Variants in PTPRD observed in about 807,000 individuals in gnomAD.
PTPRD encodes the protein protein tyrosine phosphatase receptor type D.
PTPRD carries 34 observed loss-of-function variants against 214.5 expected under a neutral mutation model. That is an observed-to-expected ratio of 0.16 (90% confidence interval 0.12 to 0.21). The LOEUF (loss-of-function observed/expected upper bound fraction) is 0.21, where lower values mean the gene tolerates loss of function less well. Ranked by LOEUF, PTPRD falls within the 10% of genes least tolerant of loss-of-function variation. The pLI is 1.00. For synonymous variants in PTPRD, 1,128 were observed against 845.7 expected (o/e 1.33, Z -5.79); for missense variants, 2,545 against 2,398.7 (o/e 1.06, Z -1.27).
At chr9:9,219,425 A>T (rs2099954380) in intron 9 of PTPRD, among the ~76,000 whole-genome samples, 1 of 152,102 alleles carries the variant, frequency 6.6e-6, no homozygotes, top group African/African-American at 2.4e-5. Flanking sequence ...AATTAAAAAA[A>T]AAAACATTAT....
At chr9:9,877,936 G>A (rs2067371862) in intron 5 of PTPRD, among the ~76,000 whole-genome samples, 1 of 131,884 alleles carries the variant, frequency 7.6e-6, no homozygotes. Flanking sequence ...TCACGCCATT[G>A]CACTCCAACC....
At chr9:8,416,757 T>C (rs891963567) in intron 35 of PTPRD, among the ~76,000 whole-genome samples, 1 of 152,156 alleles carries the variant, frequency 6.6e-6, no homozygotes, top group Admixed American at 6.6e-5. Context: ...TTGAGGATTA[T>C]GATGACAATG....
chr9:8,411,991 T>G (rs2093572149), intron 35 of PTPRD, among the ~76,000 whole-genome samples: 2 of 152,234 alleles, frequency 1.3e-5, no homozygotes, highest in African/African-American at 4.8e-5. Context: ...TATTAGAAAG[T>G]TATTAAACTG....
chr9:8,327,648 C>T (rs942129176), intron 44 of PTPRD, among the ~76,000 whole-genome samples: 1 of 151,994 alleles, frequency 6.6e-6, no homozygotes. Context: ...TTAAAGTCTC[C>T]CACTATTATT....
At chr9:9,205,745 T>C (rs1412087616) in intron 9 of PTPRD, among the ~76,000 whole-genome samples, 1 of 152,198 alleles carries the variant, frequency 6.6e-6, no homozygotes, top group Non-Finnish European at 1.5e-5. Context: ...CTTTTACTCA[T>C]TCACCCATTT....
At chr9:9,931,913 C>G (rs1019046116) in intron 5 of PTPRD, among the ~76,000 whole-genome samples, 1 of 151,546 alleles carries the variant, frequency 6.6e-6, no homozygotes, top group East Asian at 2.0e-4. Flanking sequence ...AAGTGGGTCC[C>G]TGACCCCTGA....
At chr9:8,930,866 T>A (rs1346351373) in intron 11 of PTPRD, among the ~76,000 whole-genome samples, 1 of 152,176 alleles carries the variant, frequency 6.6e-6, no homozygotes, top group Admixed American at 6.5e-5. Context: ...TATTAGCCCT[T>A]TGTCAGATGA....
intron 35 of PTPRD, among the ~76,000 whole-genome samples, chr9:8,418,425 A>C (rs577792934): frequency 2.6e-5 from 4 of 152,188 alleles, no homozygotes; most frequent in African/African-American, 9.6e-5. Context: ...GTTTGAATTC[A>C]TTACCATAAC....
intron 27 of PTPRD, among the ~76,000 whole-genome samples, chr9:8,490,115 G>A (rs529320245): frequency 6.6e-6 from 1 of 152,260 alleles, no homozygotes; most frequent in East Asian, 1.9e-4. Flanking sequence ...TTGAGGGTTG[G>A]TAAGATGAAA....
intron 2 of PTPRD, among the ~76,000 whole-genome samples, chr9:10,345,555 G>T (rs1285844800): frequency 6.6e-6 from 1 of 152,046 alleles, no homozygotes; most frequent in Non-Finnish European, 1.5e-5. Flanking sequence ...TGAGAATGAT[G>T]GTTTCTAGCT....
At chr9:8,893,640 T>C (rs1332007750) in intron 11 of PTPRD, among the ~76,000 whole-genome samples, 1 of 152,206 alleles carries the variant, frequency 6.6e-6, no homozygotes, top group African/African-American at 2.4e-5. Flanking sequence ...GTGGTAAAGA[T>C]GCAATCATAC....
intron 5 of PTPRD, among the ~76,000 whole-genome samples, chr9:9,833,422 T>C (rs1018855385): frequency 1.5e-4 from 23 of 151,700 alleles, no homozygotes; most frequent in East Asian, 1.2e-3. Flanking sequence ...AACAGGGTAA[T>C]AGAATATCAC....
intron 35 of PTPRD, among the ~76,000 whole-genome samples, chr9:8,407,208 C>A (rs1169108117): frequency 6.6e-6 from 1 of 152,052 alleles, no homozygotes. Flanking sequence ...GAGATGAAGA[C>A]CAACAAATAA....
intron 11 of PTPRD, among the ~76,000 whole-genome samples, chr9:8,996,033 A>G (rs1490477709): frequency 6.6e-6 from 1 of 152,130 alleles, no homozygotes; most frequent in African/African-American, 2.4e-5. Context: ...TGCTATTTTG[A>G]AAAACAGTTT....
At chr9:9,800,334 T>A (rs553431478) in intron 5 of PTPRD, among the ~76,000 whole-genome samples, 8 of 152,016 alleles carry the variant, frequency 5.3e-5, no homozygotes, top group Non-Finnish European at 1.2e-4. Flanking sequence ...ATCTTGTCTC[T>A]AAAAAAATAA....
At chr9:10,423,278 G>A (rs757423092) in intron 2 of PTPRD, among the ~76,000 whole-genome samples, 1 of 151,908 alleles carries the variant, frequency 6.6e-6, no homozygotes, top group Admixed American at 6.6e-5. Context: ...ACACAGGGTG[G>A]GGAACATCAC....
At position 10,367,420 on chromosome 9, in the gene PTPRD, C is replaced by T. The variant is rs915290678; in HGVS notation, c.-599-26403G>A. Among the ~76,000 whole-genome samples the T allele has an allele frequency of 3.9e-5, 6 of 152,108 alleles. 1 individual carries two copies. In the South Asian group the frequency reaches 1.0e-3, roughly 26 times the overall value. ...ACTTCCTTGCCTACCTCTTTACCTACTGTGTTACCGTTTGAGCCAACCACT... is the reference window on the plus strand; with the variant it reads ...ACTTCCTTGCCTACCTCTTTACCTATTGTGTTACCGTTTGAGCCAACCACT... On this transcript the variant is annotated intron_variant, in intron 2 of 45. Transcript: ENST00000381196.
intron 7 of PTPRD, among the ~76,000 whole-genome samples, chr9:9,631,741 C>T (rs1163749533): frequency 6.6e-6 from 1 of 152,148 alleles, no homozygotes; most frequent in Non-Finnish European, 1.5e-5. Flanking sequence ...AGCATAAAAA[C>T]AACCACCTAA....
At chr9:10,152,111 C>G (rs1398235082) in intron 3 of PTPRD, among the ~76,000 whole-genome samples, 1 of 152,116 alleles carries the variant, frequency 6.6e-6, no homozygotes, top group African/African-American at 2.4e-5. Context: ...CAATAAACTG[C>G]TAAACTGTTT....
Sources: gnomAD v4.1 joint callset for allele counts (sites outside exome capture counted in the v4.1 genomes callset) on GRCh38, gnomAD v4.1.1 for gene constraint, MANE v1.5 for transcripts, NCBI Gene and HGNC (gene_info 2026-07-23, HGNC 2026-07-21) for gene names.